The following CDC34 variants were observed in gnomAD, a reference collection of about 807,000 sequenced individuals.
The protein encoded by CDC34 is cell division cycle 34, ubiquitin conjugating enzyme.
In CDC34, 18 loss-of-function variants were observed where a neutral mutation model predicts 26.8. The ratio of observed to expected loss-of-function variants is 0.67; its 90% CI spans 0.47 to 1.00. The LOEUF (loss-of-function observed/expected upper bound fraction) is 1.00. Among genes scored for constraint, CDC34 ranks in the 50% least tolerant of loss-of-function variants. The probability of loss-of-function intolerance (pLI) is 0.00; values close to 1 mark genes in which losing one functional copy is unlikely to be tolerated. For synonymous variants in CDC34, 178 were observed against 147.5 expected (o/e 1.21, Z -1.50); for missense variants, 280 against 334.5 (o/e 0.84, Z 1.27).
intron 1 of CDC34, among the ~76,000 whole-genome samples, chr19:533,163 G>A (rs1323761055): frequency 6.6e-6 from 1 of 152,134 alleles, no homozygotes; most frequent in African/African-American, 2.4e-5. Flanking sequence ...TCGTTCTTGG[G>A]GCCAGAGGGA....
At position 536,219 on chromosome 19, in the gene CDC34, C is replaced by T. The variant is rs747065062; in HGVS notation, c.265-24C>T. 5 of 1,582,452 alleles carry T rather than the reference C, an allele frequency of 3.2e-6. No individual in the cohort carries two copies. In the African/African-American group the frequency reaches 4.0e-5, roughly 13 times the overall value. ...AGCCCGTGCTGACCTCTGACCTGTT[C>T]TGACCTGTCTTCTTCTTGTGCAGAC... On this transcript the variant is annotated intron_variant, in intron 2 of 4. Coordinates refer to ENST00000215574, the MANE Select transcript of CDC34 (RefSeq NM_004359.2).
intron 4 of CDC34, among the ~76,000 whole-genome samples, chr19:539,316 A>C (rs1600429258): frequency 5.1e-5 from 6 of 118,752 alleles, no homozygotes; most frequent in Admixed American, 8.3e-5. Context: ...CACAGCCGCC[A>C]CCTCTGCGGT....
intron 1 of CDC34, among the ~76,000 whole-genome samples, chr19:535,376 C>G (rs1246199210): frequency 6.6e-6 from 1 of 152,260 alleles, no homozygotes; most frequent in East Asian, 1.9e-4. Flanking sequence ...ATCATCTGTG[C>G]TAACCCTCCC....
At chr19:536,981 G>A (rs776334230) in intron 3 of CDC34, 32 bp from the exon 4 acceptor site, 2 of 1,612,696 alleles carry the variant, frequency 1.2e-6, no homozygotes, top group African/African-American at 1.3e-5. Flanking sequence ...GGGTGCCCCG[G>A]GCCGCCCCAC....
chr19:541,463 G>C lies in CDC34; in HGVS notation c.622G>C (p.Asp208His), dbSNP rs200761288. The stretch of plus-strand genomic sequence containing the variant: ...CGACGAGGGCTCAGACCTCTTCTAC[G>C]ACGACTACTACGAGGACGGCGAGGT... ...APDEGSDLFYDDYYEDGEVEE... is the reference protein window; with the variant it reads ...APDEGSDLFYHDYYEDGEVEE... The change falls in exon 5 of 5, where the codon GAC becomes CAC. Residue 208 changes from aspartate to histidine, a missense_variant. Physicochemically the swap from Asp to His is moderately conservative, Grantham distance 81. Coordinates refer to ENST00000215574, the MANE Select transcript of CDC34 (RefSeq NM_004359.2). The C allele has an allele frequency of 1.3e-4, 207 of 1,612,604 alleles. No homozygotes were observed. Among genetic ancestry groups the C allele is most frequent in the Non-Finnish European group, 1.7e-4 (203 of 1,179,846 alleles).
intron 1 of CDC34, among the ~76,000 whole-genome samples, chr19:534,409 AC>A (rs1568329425): frequency 7.6e-6 from 1 of 131,064 alleles, no homozygotes; most frequent in Non-Finnish European, 1.6e-5. Context: ...ACAATCCAAG[AC>A]CCCCGAGTAC....
chr19:538,020 T>G (rs1435721282), intron 4 of CDC34, among the ~76,000 whole-genome samples: 1 of 152,266 alleles, frequency 6.6e-6, no homozygotes, highest in Non-Finnish European at 1.5e-5. Flanking sequence ...TGTGCTTTAA[T>G]GAAGAAATGG....
chr19:536,133 C>A, intron 2 of CDC34, 110 bp from the exon 3 acceptor site: 1 of 924,728 alleles, frequency 1.1e-6, no homozygotes, highest in Non-Finnish European at 1.7e-6. Context: ...GGACCCGGGG[C>A]GCTGGGAGCC....
chr19:537,109 G>C lies in CDC34; in HGVS notation c.459G>C (p.Glu153Asp). ...CCGTGATGTACAGGAAGTGGAAAGA[G>C]AGCAAGGGGAAGGATCGGGAGTACA... ...DASVMYRKWKESKGKDREYTD... is the reference protein window; with the variant it reads ...DASVMYRKWKDSKGKDREYTD... Residue 153 changes from glutamate to aspartate, a missense_variant, in exon 4 of 5, where the codon GAG (glutamate) becomes GAC (aspartate). Glu to Asp is a conservative substitution (Grantham distance 45). Coordinates refer to ENST00000215574, the MANE Select transcript of CDC34 (RefSeq NM_004359.2). The C allele has an allele frequency of 1.2e-6, 2 of 1,613,816 alleles. No homozygotes were observed. Among genetic ancestry groups the C allele is most frequent in the Non-Finnish European group, 1.7e-6 (2 of 1,179,986 alleles).
rs1979515462 is a variant in CDC34, at chr19:532,095, G to A, written c.164G>A (p.Gly55Asp). The stretch of plus-strand genomic sequence containing the variant: ...GGGCCCCCCAACACCTACTACGAGG[G>A]CGGCTACTTCAAGGTGAGCGCGGCG... ...IFGPPNTYYEGGYFKARLKFP... is the reference protein window; with the variant it reads ...IFGPPNTYYEDGYFKARLKFP... Residue 55 changes from glycine to aspartate, a missense_variant, in exon 1 of 5, where the codon GGC becomes GAC. By Grantham distance (94) the Gly-to-Asp change is moderately conservative. Coordinates refer to ENST00000215574, the MANE Select transcript of CDC34 (RefSeq NM_004359.2). The A allele has an allele frequency of 1.3e-6, 2 of 1,515,430 alleles. No homozygotes were observed. The highest frequency in any genetic ancestry group is 2.9e-5 in the African/African-American group (2 of 68,396). 93.9% of individuals were successfully genotyped at this position (1,515,430 alleles called of 1,614,324 possible).
In CDC34 at chr19:539,051, A is replaced by T. The variant is rs893022960; in HGVS notation, c.497+1904A>T. 3 of 969,178 alleles carry T rather than the reference A, an allele frequency of 3.1e-6. No individual in the cohort carries two copies. In the African/African-American group the frequency reaches 5.3e-5, roughly 17 times the overall value. 60.0% of individuals were successfully genotyped at this position (969,178 alleles called of 1,614,324 possible). A position where few individuals can be genotyped will look rare whatever the true frequency, so the allele number is the denominator to read the frequency against. Reference sequence around the variant, plus strand: ...ATCCCTCAAAACTCCCTGTGGGCCAACACACATGTGCCATGTGGACTCTGC... The same window carrying T: ...ATCCCTCAAAACTCCCTGTGGGCCATCACACATGTGCCATGTGGACTCTGC... On this transcript the variant is annotated intron_variant, in intron 4 of 4. Coordinates refer to ENST00000215574, the MANE Select transcript of CDC34 (RefSeq NM_004359.2).
At chr19:538,771 C>G in intron 4 of CDC34, 5 of 985,410 alleles carry the variant, frequency 5.1e-6, no homozygotes, top group Non-Finnish European at 6.0e-6. Flanking sequence ...GCTGGGCGGT[C>G]TCGGCTCTGA....
chr19:536,278 G>T lies in CDC34; in HGVS notation c.300G>T (p.Pro100=), dbSNP rs769783473. ...TGTGTATCTCCATCCTCCACCCGCC[G>T]GTGGACGACCCCCAGAGCGGGGAGC... is the stretch of plus-strand genomic sequence containing the variant. ...GDVCISILHP[P]VDDPQSGELP... is the part of the protein sequence containing the mutation. Residue 100 remains proline (P), a synonymous_variant, in exon 3 of 5, where the codon CCG becomes CCT. Transcript: ENST00000215574. The T allele has an allele frequency of 6.2e-7, 1 of 1,612,018 alleles. No homozygotes were observed. Among genetic ancestry groups the T allele is most frequent in the Non-Finnish European group, 8.5e-7 (1 of 1,179,546 alleles).
intron 4 of CDC34, 80 bp from the exon 5 acceptor site, chr19:541,259 G>C (rs1235279351): frequency 2.3e-5 from 33 of 1,449,344 alleles, no homozygotes; most frequent in Non-Finnish European, 2.7e-5. Flanking sequence ...TGGGGTGAGC[G>C]TCGGACCTGG....
At position 536,136 on chromosome 19, in the gene CDC34, T is replaced by C. The variant is rs947136797; in HGVS notation, c.265-107T>C. 77 of 964,062 alleles carry C rather than the reference T, an allele frequency of 8.0e-5. 1 individual carries two copies. Among genetic ancestry groups the C allele is most frequent in the Middle Eastern group, 2.1e-4 (1 of 4,694 alleles). The allele number at this position is 964,062 out of a possible 1,614,324, so 59.7% of individuals were successfully genotyped here. A position where few individuals can be genotyped will look rare whatever the true frequency, so the allele number is the denominator to read the frequency against. ...CTCGTCCTTCCGGGACCCGGGGCGC[T>C]GGGAGCCTCACGTCCTCGTCCTCCA... On this transcript the variant is annotated intron_variant, in intron 2 of 4. Transcript: ENST00000215574.
chr19:541,263 G>T, intron 4 of CDC34, 76 bp from the exon 5 acceptor site: 1 of 1,456,354 alleles, frequency 6.9e-7, no homozygotes, highest in Non-Finnish European at 9.0e-7. Flanking sequence ...GTGAGCGTCG[G>T]ACCTGGGGGA....
intron 1 of CDC34, among the ~76,000 whole-genome samples, chr19:533,198 G>C (rs529996528): frequency 6.6e-6 from 1 of 152,246 alleles, no homozygotes; most frequent in South Asian, 2.1e-4. Flanking sequence ...CTGTGTGAGC[G>C]GTGGGGAACG....
At chr19:537,214 C>A in intron 4 of CDC34, 67 bp downstream of exon 4, 1 of 1,559,360 alleles carries the variant, frequency 6.4e-7, no homozygotes, top group African/African-American at 1.3e-5. Context: ...GCCCCTGGTC[C>A]CACGGCCGCC....
chr19:536,570 G>A, intron 3 of CDC34: 1 of 582,438 alleles, frequency 1.7e-6, no homozygotes, highest in Non-Finnish European at 3.1e-6. Context: ...AGGACCCCAG[G>A]CCGGCCCCAC....
Sources: allele counts gnomAD v4.1 joint callset (sites outside exome capture counted in the v4.1 genomes callset), GRCh38; gene constraint gnomAD v4.1.1; transcripts MANE v1.5; gene names NCBI Gene and HGNC (gene_info 2026-07-23, HGNC 2026-07-21).